The following SLC24A5 variants were observed in gnomAD, a reference collection of about 807,000 sequenced individuals.
SLC24A5 encodes sodium/potassium/calcium exchanger 5.
In SLC24A5, 46 loss-of-function variants were observed where a neutral mutation model predicts 51.6. The observed-to-expected ratio is 0.89, with a 90% CI of 0.70 to 1.14. The LOEUF (loss-of-function observed/expected upper bound fraction) is 1.14. Ranked by LOEUF, SLC24A5 falls within the 50% of genes most tolerant of loss-of-function variation. The pLI is 0.00. For missense variants in SLC24A5, 581 were observed against 604.1 expected (o/e 0.96, Z 0.40); for synonymous variants, 230 against 214.9 (o/e 1.07, Z -0.62).
intron 6 of SLC24A5, 60 bp from the exon 7 acceptor site, chr15:48,138,909 C>A: frequency 8.1e-7 from 1 of 1,232,880 alleles, no homozygotes; most frequent in Non-Finnish European, 1.2e-6. Flanking sequence ...TCTAAATAGG[C>A]ATTTCTAACT....
intron 2 of SLC24A5, among the ~76,000 whole-genome samples, chr15:48,131,148 G>A (rs570828129): frequency 2.4e-4 from 36 of 152,142 alleles, no homozygotes; most frequent in African/African-American, 8.4e-4. Flanking sequence ...TAATTACAGA[G>A]CCATCTCCTT....
rs2038910995 is a variant in SLC24A5 at position 48,136,796 on chromosome 15, T to C, written c.704T>C (p.Leu235Pro). ...IKKCSPCCAC[L>P]AKAMERSEQQ... ...AAATGCAGTCCTTGCTGCGCCTGTCTTGCCAAAGCTATGGAGAGAAGTGAA... is the reference window on the plus strand; with the variant it reads ...AAATGCAGTCCTTGCTGCGCCTGTCCTGCCAAAGCTATGGAGAGAAGTGAA... Residue 235 changes from leucine to proline, a missense_variant, in exon 6 of 9, where the codon CTT (leucine) becomes CCT (proline). Coordinates refer to ENST00000341459, the MANE Select transcript of SLC24A5 (RefSeq NM_205850.3). 1 of 1,613,740 alleles carries C rather than the reference T, an allele frequency of 6.2e-7. No homozygotes were observed. Among genetic ancestry groups the C allele is most frequent in the African/African-American group, 1.3e-5 (1 of 74,926 alleles).
chr15:48,125,134 T>C (rs2038717519), intron 2 of SLC24A5, among the ~76,000 whole-genome samples: 1 of 152,108 alleles, frequency 6.6e-6, no homozygotes, highest in Non-Finnish European at 1.5e-5. Context: ...TCCACCCATT[T>C]TGTCAACTAA....
intron 2 of SLC24A5, 170 bp downstream of exon 2, chr15:48,122,206 T>C: frequency 1.5e-6 from 1 of 682,400 alleles, no homozygotes; most frequent in Non-Finnish European, 2.6e-6. Context: ...GTGGTTTCTC[T>C]TGGTAGTTAA....
intron 2 of SLC24A5, among the ~76,000 whole-genome samples, chr15:48,130,197 T>C (rs867545994): frequency 2.6e-5 from 4 of 151,828 alleles, no homozygotes; most frequent in African/African-American, 9.7e-5. Flanking sequence ...TTTAGAGTAA[T>C]AGAGGAAAAA....
At position 48,139,041 on chromosome 15, in the gene SLC24A5, T is replaced by C. The variant is rs373246676; in HGVS notation, c.944T>C (p.Ile315Thr). ...TTTTGGGTATTATCCCTTCCTATTA[T>C]TACATTACTTTTTCTAACCACACCA... is the stretch of plus-strand genomic sequence containing the variant. ...RIFWVLSLPI[I>T]TLLFLTTPDC... The change falls in exon 7 of 9, where the codon ATT becomes ACT. Residue 315 changes from isoleucine (I) to threonine (T), a missense_variant. Coordinates refer to ENST00000341459, the MANE Select transcript of SLC24A5 (RefSeq NM_205850.3). The C allele has an allele frequency of 2.5e-6, 4 of 1,613,156 alleles. No homozygotes were observed. The highest frequency in any genetic ancestry group is 3.4e-6 in the Non-Finnish European group (4 of 1,179,326).
intron 2 of SLC24A5, chr15:48,124,216 AATC>A (rs1440762373): frequency 1.3e-5 from 2 of 152,088 alleles, no homozygotes; most frequent in Non-Finnish European, 2.9e-5. Context: ...AGGTCACAAC[AATC>A]ATCATATTTT....
intron 6 of SLC24A5, 152 bp from the exon 7 acceptor site, chr15:48,138,817 C>T (rs1215725567): frequency 1.0e-5 from 6 of 598,136 alleles, no homozygotes; most frequent in Non-Finnish European, 1.8e-5. Flanking sequence ...TTCTTTTCAC[C>T]AGCAATATCA....
chr15:48,134,874 C>T lies in SLC24A5; in HGVS notation c.490-10C>T, dbSNP rs1319134286. Reference sequence around the variant, plus strand: ...CAATGTAATGGAAATAATAACTTACCATATTACAGGTCTCAACACTATCAT... The same window carrying T: ...CAATGTAATGGAAATAATAACTTACTATATTACAGGTCTCAACACTATCAT... On this transcript the variant is annotated splice_polypyrimidine_tract_variant and intron_variant, in intron 4 of 8. Coordinates refer to ENST00000341459, the MANE Select transcript of SLC24A5 (RefSeq NM_205850.3). 4 of 1,585,214 alleles carry T rather than the reference C, an allele frequency of 2.5e-6. No homozygotes were observed. The highest frequency in any genetic ancestry group is 1.7e-4 in the Middle Eastern group (1 of 6,010).
In SLC24A5 at chr15:48,121,879, T is replaced by TTC; in HGVS notation, c.147_148dup (p.Pro50LeufsTer22). ...CAGGAAATAGCACCCAATGTGTTAT[T>TTC]TCTCCATCATCGGAGTTTCCCGAAG... On this transcript the variant is annotated frameshift_variant, in exon 2 of 9. Coordinates refer to ENST00000341459, the MANE Select transcript of SLC24A5 (RefSeq NM_205850.3). LOFTEE classifies it high-confidence loss of function. The TTC allele has an allele frequency of 1.2e-6, 2 of 1,614,196 alleles. No homozygotes were observed. The highest frequency in any genetic ancestry group is 1.7e-6 in the Non-Finnish European group (2 of 1,180,002).
chr15:48,137,108 T>G, intron 6 of SLC24A5, 145 bp downstream of exon 6: 8 of 773,448 alleles, frequency 1.0e-5, no homozygotes, highest in Non-Finnish European at 1.6e-5. Flanking sequence ...TCCCTACCTT[T>G]AAGGAACTTC....
intron 4 of SLC24A5, 65 bp downstream of exon 4, chr15:48,134,603 G>T: frequency 7.8e-7 from 1 of 1,276,694 alleles, no homozygotes; most frequent in East Asian, 2.3e-5. Flanking sequence ...ACTGTTCGTC[G>T]TCTGGGATGG....
chr15:48,135,105 C>A, intron 5 of SLC24A5, 121 bp downstream of exon 5: 1 of 695,158 alleles, frequency 1.4e-6, no homozygotes, highest in Non-Finnish European at 2.5e-6. Context: ...TACCATATTC[C>A]AACAGGTCTG....
At chr15:48,123,239 T>C (rs975402104) in intron 2 of SLC24A5, 4 of 151,832 alleles carry the variant, frequency 2.6e-5, no homozygotes, top group African/African-American at 9.7e-5. Flanking sequence ...TGCTTTTATC[T>C]TGACGTTACA....
chr15:48,136,734 G>T lies in SLC24A5; in HGVS notation c.642G>T (p.Leu214=). 6.2e-7 allele frequency: 1 copy of T among 1,613,466 alleles called. No homozygotes were observed. Among genetic ancestry groups the T allele is most frequent in the South Asian group, 1.1e-5 (1 of 91,006 alleles). The part of the protein sequence containing the change: ...LLIYGLYVLV[L]CFDIKINQYI... ...TATATGGATTGTATGTTTTGGTGCT[G>T]TGTTTTGACATTAAAATTAACCAAT... The change falls in exon 6 of 9, where the codon CTG becomes CTT. Residue 214 remains leucine, a synonymous_variant. Coordinates refer to ENST00000341459, the MANE Select transcript of SLC24A5 (RefSeq NM_205850.3).
Position 48,142,020 on chromosome 15 carries a change from C to T in SLC24A5, c.1181-9C>T, listed in dbSNP as rs1597278067. On this transcript the variant is annotated splice_polypyrimidine_tract_variant and intron_variant, in intron 8 of 8. Transcript: ENST00000341459. ...AAGCACATTTTAACAGTATGCTTTT[C>T]TTTTGTAGGGAAAGGAGATATGGCT... The T allele has an allele frequency of 6.3e-7, 1 of 1,592,770 alleles. No individual in the cohort carries two copies. The highest frequency in any genetic ancestry group is 1.1e-5 in the South Asian group (1 of 88,526).
chr15:48,126,348 C>A (rs1235363494), intron 2 of SLC24A5, among the ~76,000 whole-genome samples: 1 of 152,192 alleles, frequency 6.6e-6, no homozygotes, highest in Non-Finnish European at 1.5e-5. Context: ...ATCCTATCTT[C>A]TTTTTCTGTC....
At chr15:48,129,315 T>C (rs1001133418) in intron 2 of SLC24A5, among the ~76,000 whole-genome samples, 2 of 152,134 alleles carry the variant, frequency 1.3e-5, no homozygotes, top group African/African-American at 4.8e-5. Flanking sequence ...CTCTAGGCAT[T>C]TATTCCCTCA....
chr15:48,136,781 C>T lies in SLC24A5; in HGVS notation c.689C>T (p.Pro230Leu), dbSNP rs2038910706. 1 of 1,613,660 alleles carries T rather than the reference C, an allele frequency of 6.2e-7. No homozygotes were observed. The highest frequency in any genetic ancestry group is 2.2e-5 in the East Asian group (1 of 44,860). ...CAATATATTATAAAGAAATGCAGTC[C>T]TTGCTGCGCCTGTCTTGCCAAAGCT... ...INQYIIKKCS[P>L]CCACLAKAME... is the part of the protein sequence containing the mutation. The change falls in exon 6 of 9, where the codon CCT becomes CTT. Residue 230 changes from proline to leucine, a missense_variant. Transcript: ENST00000341459.
Sources: allele counts gnomAD v4.1 joint callset (sites outside exome capture counted in the v4.1 genomes callset), GRCh38; gene constraint gnomAD v4.1.1; transcripts MANE v1.5; gene names NCBI Gene and HGNC (gene_info 2026-07-23, HGNC 2026-07-21).